ORC5: variants seen among roughly 807,000 people sequenced by gnomAD.
The protein encoded by ORC5 is origin recognition complex subunit 5.
ORC5 carries 39 observed loss-of-function variants against 58.8 expected under a neutral mutation model. The ratio of observed to expected loss-of-function variants is 0.66; its 90% CI spans 0.51 to 0.87. The LOEUF (loss-of-function observed/expected upper bound fraction) is 0.87, where lower values mean the gene tolerates loss of function less well. Ranked by LOEUF, ORC5 falls within the 40% of genes least tolerant of loss-of-function variation. The pLI is 0.00. For synonymous variants in ORC5, 218 were observed against 177.6 expected (o/e 1.23, Z -1.81); for missense variants, 493 against 506.3 (o/e 0.97, Z 0.25).
In ORC5 at chr7:104,138,033, G is replaced by A. The variant is rs568822278; in HGVS notation, c.1150-1140C>T. Among the ~76,000 whole-genome samples the A allele has an allele frequency of 2.0e-5, 3 of 152,288 alleles. No homozygotes were observed. The highest frequency in any genetic ancestry group is 1.9e-4 in the East Asian group (1 of 5,166). ...GCTGTAAGCATTCATCCCTAGATGC[G>A]GCCGTGAGATTGGAGCCCCACAACC... On this transcript the variant is annotated intron_variant, in intron 12 of 13. Transcript: ENST00000297431. The surrounding 1 kb of genome is among the most constrained non-coding windows in gnomAD (Gnocchi z 4.7).
chr7:104,148,183 G>A (rs1488946625), intron 12 of ORC5, among the ~76,000 whole-genome samples: 3 of 152,080 alleles, frequency 2.0e-5, no homozygotes, highest in East Asian at 1.9e-4. Flanking sequence ...TTTTCCAGAC[G>A]ATGACACCAC....
chr7:104,156,897 A>T (rs1371284557), intron 12 of ORC5, among the ~76,000 whole-genome samples: 1 of 151,908 alleles, frequency 6.6e-6, no homozygotes, highest in East Asian at 1.9e-4. Flanking sequence ...TTCTCTAGAT[A>T]TCACAGACAG....
intron 8 of ORC5, among the ~76,000 whole-genome samples, chr7:104,176,558 T>C (rs1237161661): frequency 6.6e-6 from 1 of 152,124 alleles, no homozygotes; most frequent in Non-Finnish European, 1.5e-5. Flanking sequence ...TTAATGATGG[T>C]CAGTTGTGCC....
At position 104,129,248 on chromosome 7, in the gene ORC5, A is replaced by G. The variant is rs1231417500; in HGVS notation, c.1263-2355T>C. Reference sequence around the variant, plus strand: ...GAATAGTTTGTACAATAAATAAATAACAGAACAGACTTAATAGAATGAATG... The same window carrying G: ...GAATAGTTTGTACAATAAATAAATAGCAGAACAGACTTAATAGAATGAATG... On this transcript the variant is annotated intron_variant, in intron 13 of 13. Coordinates refer to ENST00000297431, the MANE Select transcript of ORC5 (RefSeq NM_002553.4). This position sits in a 1 kb window ranked among gnomAD's most constrained non-coding sequence, Gnocchi z 4.9. Among the ~76,000 whole-genome samples the G allele has an allele frequency of 6.6e-6, 1 of 152,186 alleles. No homozygotes were observed. Among genetic ancestry groups the G allele is most frequent in the Non-Finnish European group, 1.5e-5 (1 of 68,034 alleles).
At chr7:104,146,568 T>TATATATA (rs1798755962) in intron 12 of ORC5, among the ~76,000 whole-genome samples, 1 of 152,218 alleles carries the variant, frequency 6.6e-6, no homozygotes, top group African/African-American at 2.4e-5. Flanking sequence ...AAGTGTTATA[T>TATATATA]ACTATATGAT....
At chr7:104,203,562 T>C (rs1036671765) in intron 2 of ORC5, among the ~76,000 whole-genome samples, 9 of 152,206 alleles carry the variant, frequency 5.9e-5, no homozygotes, top group African/African-American at 2.2e-4. Flanking sequence ...TTTAATTCTC[T>C]TAATCCCAAA....
rs71154394 is a variant in ORC5 at position 104,173,845 on chromosome 7, C to CTTT, written c.825-5323_825-5321dup. Among the ~76,000 whole-genome samples the CTTT allele has an allele frequency of 4.4e-4, 49 of 111,084 alleles. 3 individuals are homozygous for CTTT. Among genetic ancestry groups the CTTT allele is most frequent in the African/African-American group, 1.7e-3 (44 of 26,348 alleles). 72.9% of individuals were successfully genotyped at this position (111,084 alleles called of 152,430 possible). A position where few individuals can be genotyped will look rare whatever the true frequency, so the allele number is the denominator to read the frequency against. On this transcript the variant is annotated intron_variant, in intron 8 of 13. Transcript: ENST00000297431. The stretch of plus-strand genomic sequence containing the variant: ...TGCATACCTGGGTTTAAAATTTTTT[C>CTTT]TTTTTTTTTTTTTTTTTGAGACGGA...
rs1562802721 is a variant in ORC5 at position 104,136,372 on chromosome 7, C to CCTA, written c.1262+406_1262+408dup. Among the ~76,000 whole-genome samples, 2 of 152,022 alleles carry CCTA rather than the reference C, an allele frequency of 1.3e-5. No individual in the cohort carries two copies. The highest frequency in any genetic ancestry group is 4.2e-4 in the South Asian group (2 of 4,818). ...ACAGTAGAATGATTATGTCCCCTGA[C>CCTA]CTAGACACTATATTTCTATCAGTGT... is the stretch of plus-strand genomic sequence containing the variant. On this transcript the variant is annotated intron_variant, in intron 13 of 13. Coordinates refer to ENST00000297431, the MANE Select transcript of ORC5 (RefSeq NM_002553.4). The surrounding 1 kb of genome is among the most constrained non-coding windows in gnomAD (Gnocchi z 4.2).
chr7:104,174,887 C>G (rs1799291581), intron 8 of ORC5, among the ~76,000 whole-genome samples: 1 of 152,176 alleles, frequency 6.6e-6, no homozygotes, highest in Non-Finnish European at 1.5e-5. Flanking sequence ...CTCCCAAGGA[C>G]TAGCAGGCCA....
chr7:104,188,434 T>G, intron 5 of ORC5, 53 bp from the exon 6 acceptor site: 3 of 1,404,686 alleles, frequency 2.1e-6, no homozygotes, highest in Non-Finnish European at 2.9e-6. Flanking sequence ...ACACTAATCA[T>G]ATCTTCAAGC....
chr7:104,139,003 C>T (rs1177412860), intron 12 of ORC5, among the ~76,000 whole-genome samples: 1 of 152,184 alleles, frequency 6.6e-6, no homozygotes, highest in African/African-American at 2.4e-5. Flanking sequence ...TCTTTGAGCG[C>T]CCATTGTCTT....
Position 104,207,824 on chromosome 7 carries a change from CTACAA to C in ORC5, c.72+4_72+8del. The stretch of plus-strand genomic sequence containing the variant: ...CTCCAGGATCTGGAAGACAGTTTAA[CTACAA>C]TACCTCTCCAAACAAGGACTGCAAG... On this transcript the variant is annotated splice_donor_5th_base_variant and intron_variant, in intron 1 of 13. Coordinates refer to ENST00000297431, the MANE Select transcript of ORC5 (RefSeq NM_002553.4). 2 of 1,612,736 alleles carry C rather than the reference CTACAA, an allele frequency of 1.2e-6. No individual in the cohort carries two copies. Among genetic ancestry groups the C allele is most frequent in the Non-Finnish European group, 1.7e-6 (2 of 1,178,724 alleles).
intron 8 of ORC5, among the ~76,000 whole-genome samples, chr7:104,182,094 C>T (rs1799445936): frequency 6.6e-6 from 1 of 152,152 alleles, no homozygotes; most frequent in South Asian, 2.1e-4. Context: ...CTTCTAGGTT[C>T]CCCCAATCCA....
At chr7:104,139,438 T>G (rs1349026491) in intron 12 of ORC5, among the ~76,000 whole-genome samples, 1 of 152,186 alleles carries the variant, frequency 6.6e-6, no homozygotes, top group Non-Finnish European at 1.5e-5. Flanking sequence ...GAAACCATGA[T>G]CATCTTACTA....
intron 13 of ORC5, among the ~76,000 whole-genome samples, chr7:104,127,600 A>G (rs771354826): frequency 2.6e-5 from 4 of 152,240 alleles, no homozygotes; most frequent in Non-Finnish European, 5.9e-5. Context: ...TGATCTAGCA[A>G]TAAGTATAAA....
chr7:104,159,663 G>A lies in ORC5; in HGVS notation c.1149+1409C>T, dbSNP rs183128437. Among the ~76,000 whole-genome samples, 6 of 152,168 alleles carry A rather than the reference G, an allele frequency of 3.9e-5. No individual in the cohort carries two copies. The East Asian group carries it at 1.2e-3, about 29-fold the overall frequency. ...GGGCACCTGAGAAGTACAATCACATGTGATGCAAACATGTTTCTGCTCTGT... is the reference window on the plus strand; with the variant it reads ...GGGCACCTGAGAAGTACAATCACATATGATGCAAACATGTTTCTGCTCTGT... On this transcript the variant is annotated intron_variant, in intron 12 of 13. Transcript: ENST00000297431.
intron 6 of ORC5, among the ~76,000 whole-genome samples, chr7:104,185,503 C>T (rs1008978690): frequency 6.6e-6 from 1 of 152,080 alleles, no homozygotes; most frequent in African/African-American, 2.4e-5. Flanking sequence ...ATAAACTAAA[C>T]ATCATTGAGT....
At chr7:104,142,510 T>C (rs773081981) in intron 12 of ORC5, among the ~76,000 whole-genome samples, 19 of 151,882 alleles carry the variant, frequency 1.3e-4, no homozygotes, top group Non-Finnish European at 7.4e-5. Context: ...AACAAGATAA[T>C]AGAAACAAAA....
At chr7:104,201,581 G>C (rs538238833) in intron 2 of ORC5, among the ~76,000 whole-genome samples, 1 of 150,276 alleles carries the variant, frequency 6.7e-6, no homozygotes, top group South Asian at 2.1e-4. Context: ...CTTTGGGTCA[G>C]GAGTTCCAGA....
Sources: gnomAD v4.1 joint callset for allele counts (sites outside exome capture counted in the v4.1 genomes callset) on GRCh38, gnomAD v4.1.1 for gene constraint, Gnocchi (gnomAD v3.1) non-coding constraint, MANE v1.5 for transcripts, NCBI Gene and HGNC (gene_info 2026-07-23, HGNC 2026-07-21) for gene names.